The following ADGRL3 variants were observed in gnomAD, a reference collection of about 807,000 sequenced individuals.
ADGRL3 encodes the protein calcium-independent alpha-latrotoxin receptor 3.
A neutral mutation model predicts 153.5 loss-of-function variants in ADGRL3; 62 were observed. The observed-to-expected ratio is 0.40, with a 90% CI of 0.33 to 0.50. The LOEUF is 0.50. ADGRL3 is among the 20% of genes least tolerant of loss of function. The pLI, the probability that ADGRL3 is intolerant of heterozygous loss-of-function variation, is 0.47. For missense variants in ADGRL3, 1,641 were observed against 1,859.4 expected (o/e 0.88, Z 2.16); for synonymous variants, 710 against 672.5 (o/e 1.06, Z -0.86).
intron 5 of ADGRL3, among the ~76,000 whole-genome samples, chr4:61,642,997 C>T (rs2093761849): frequency 1.3e-5 from 2 of 152,126 alleles, no homozygotes; most frequent in African/African-American, 4.8e-5. Flanking sequence ...TTGAAGAGGT[C>T]CTTCACGTCC....
chr4:61,953,378 C>G (rs916695828), intron 17 of ADGRL3, among the ~76,000 whole-genome samples: 2 of 152,162 alleles, frequency 1.3e-5, no homozygotes, highest in African/African-American at 4.8e-5. Flanking sequence ...TTCTCCACTC[C>G]AGAGCTCTCC....
At chr4:61,340,845 TAA>T (rs150764585) in intron 1 of ADGRL3, among the ~76,000 whole-genome samples, 4 of 151,238 alleles carry the variant, frequency 2.6e-5, no homozygotes, top group African/African-American at 4.8e-5. Context: ...TATATATATA[TAA>T]AATATTATAC....
chr4:61,817,511 C>G (rs971138477), intron 9 of ADGRL3, among the ~76,000 whole-genome samples: 1 of 152,130 alleles, frequency 6.6e-6, no homozygotes, highest in Non-Finnish European at 1.5e-5. Context: ...CCACTGAGAG[C>G]TGAACACTCA....
At chr4:61,258,128 T>C (rs2342455) in intron 1 of ADGRL3, among the ~76,000 whole-genome samples, 54,121 of 152,012 alleles carry the variant, frequency 0.36, 10,095 homozygotes, top group Non-Finnish European at 0.41. Flanking sequence ...GAGATCTTGC[T>C]TGCTAGCTCT....
chr4:61,841,848 T>C (rs1484475514), intron 9 of ADGRL3, among the ~76,000 whole-genome samples: 1 of 152,170 alleles, frequency 6.6e-6, no homozygotes, highest in Non-Finnish European at 1.5e-5. Flanking sequence ...ACATTGTTAT[T>C]ATAATACATA....
intron 21 of ADGRL3, among the ~76,000 whole-genome samples, chr4:62,008,865 C>T (rs1014818154): frequency 1.2e-4 from 18 of 152,128 alleles, no homozygotes; most frequent in Non-Finnish European, 2.2e-4. Flanking sequence ...TGATGGCGAT[C>T]TCATAAGATT....
chr4:61,510,995 G>T (rs899687688), intron 3 of ADGRL3, among the ~76,000 whole-genome samples: 1 of 152,060 alleles, frequency 6.6e-6, no homozygotes, highest in African/African-American at 2.4e-5. Context: ...TGATTAGATG[G>T]ATTCCTAGAT....
intron 4 of ADGRL3, among the ~76,000 whole-genome samples, chr4:61,582,015 G>T (rs1178002077): frequency 6.6e-6 from 1 of 151,838 alleles, no homozygotes; most frequent in Non-Finnish European, 1.5e-5. Context: ...TAATACATAG[G>T]ATTTGGAGTA....
chr4:61,456,360 GAGATATAGATATATCTATATATATATAT>G (rs1560663524), intron 2 of ADGRL3, among the ~76,000 whole-genome samples: 20 of 125,384 alleles, frequency 1.6e-4, no homozygotes, highest in African/African-American at 3.3e-4. Context: ...GATATATATA[GAGATATAGATATATCTATATATATATAT>G]AGATATATCT....
chr4:61,899,675 C>CAAA (rs2098653115), intron 11 of ADGRL3, among the ~76,000 whole-genome samples: 3 of 152,100 alleles, frequency 2.0e-5, no homozygotes, highest in Non-Finnish European at 4.4e-5. Context: ...AACAAACAAA[C>CAAA]CAACCATAGA....
chr4:61,991,905 TTATA>T (rs1391089286), intron 19 of ADGRL3, among the ~76,000 whole-genome samples: 2 of 147,960 alleles, frequency 1.4e-5, no homozygotes, highest in East Asian at 3.9e-4. Flanking sequence ...TAAAATACAT[TTATA>T]TATAAATATA....
intron 24 of ADGRL3, among the ~76,000 whole-genome samples, chr4:62,041,947 A>G (rs181410395): frequency 1.3e-5 from 2 of 152,214 alleles, no homozygotes; most frequent in African/African-American, 2.4e-5. Context: ...GGTCTGTGCC[A>G]TCAGACATGT....
chr4:61,520,670 G>GTC, intron 4 of ADGRL3, among the ~76,000 whole-genome samples: 1 of 145,478 alleles, frequency 6.9e-6, no homozygotes, highest in Non-Finnish European at 1.5e-5. Context: ...GTGTGTGTGT[G>GTC]TGTGTGTGTG....
chr4:61,851,457 C>T lies in ADGRL3; in HGVS notation c.1480+37568C>T, dbSNP rs115358049. On this transcript the variant is annotated intron_variant, in intron 9 of 26. Coordinates refer to ENST00000683033, the MANE Select transcript of ADGRL3 (RefSeq NM_001387552.1). ...ATTAAAAATCAGCCAGGTGTGGTGG[C>T]ACATACCTATAGTCCCAGCTACTTG... 4.6e-3 allele frequency among the ~76,000 whole-genome samples: 695 copies of T among 151,830 alleles called. 6 individuals carry two copies. The highest frequency in any genetic ancestry group is 0.016 in the African/African-American group (672 of 41,416).
intron 1 of ADGRL3, among the ~76,000 whole-genome samples, chr4:61,301,752 A>G (rs1317363100): frequency 6.6e-6 from 1 of 152,230 alleles, no homozygotes; most frequent in African/African-American, 2.4e-5. Flanking sequence ...TATTGGGAAT[A>G]AGAACAAATT....
At chr4:61,506,851 C>T (rs1371984868) in intron 3 of ADGRL3, among the ~76,000 whole-genome samples, 6 of 151,946 alleles carry the variant, frequency 3.9e-5, no homozygotes, top group Admixed American at 6.6e-5. Flanking sequence ...GACTTTAAAA[C>T]AGATTGATTT....
chr4:61,858,395 G>A (rs1461893292), intron 9 of ADGRL3, among the ~76,000 whole-genome samples: 1 of 152,156 alleles, frequency 6.6e-6, no homozygotes, highest in Non-Finnish European at 1.5e-5. Flanking sequence ...GGCCGAGGCA[G>A]GTGGATCACC....
chr4:61,586,652 G>A (rs781106208), intron 4 of ADGRL3, among the ~76,000 whole-genome samples: 6 of 151,870 alleles, frequency 4.0e-5, no homozygotes, highest in Non-Finnish European at 7.4e-5. Context: ...GAAGAGTATG[G>A]GGAGGAGCTA....
chr4:61,717,365 G>GA (rs1216346191), intron 6 of ADGRL3, among the ~76,000 whole-genome samples: 4 of 151,954 alleles, frequency 2.6e-5, no homozygotes, highest in African/African-American at 4.8e-5. Flanking sequence ...TCCTGGGTGA[G>GA]AAAAAAATAA....
Sources: gnomAD v4.1 joint callset for allele counts (sites outside exome capture counted in the v4.1 genomes callset) on GRCh38, gnomAD v4.1.1 for gene constraint, MANE v1.5 for transcripts, NCBI Gene and HGNC (gene_info 2026-07-23, HGNC 2026-07-21) for gene names.